The following PIERCE1 variants were observed in gnomAD, a reference collection of about 807,000 sequenced individuals.
The protein encoded by PIERCE1 is piercer of microtubule wall 1 protein.
At chr9:135,498,495 T>G in the PIERCE1 span, 17 of 1,064,264 alleles carry the variant, frequency 1.6e-5, no homozygotes, top group African/African-American at 3.1e-5. The surrounding 1 kb of genome is among the most constrained non-coding windows in gnomAD (Gnocchi z 4.1). Flanking sequence ...CCCCGTCTCA[T>G]TGTTGACCTG....
chr9:135,495,258 G>T, the PIERCE1 span: 1 of 617,672 alleles, frequency 1.6e-6, no homozygotes. Context: ...TGAAATGGCA[G>T]GACTTCACGG....
the PIERCE1 span, chr9:135,495,626 T>G: frequency 6.2e-7 from 1 of 1,601,538 alleles, no homozygotes; most frequent in South Asian, 1.1e-5. Flanking sequence ...CTATAAGAGA[T>G]AAAGGAACAC....
the PIERCE1 span, chr9:135,495,497 C>A: frequency 6.2e-7 from 1 of 1,614,062 alleles, no homozygotes; most frequent in Middle Eastern, 1.6e-4. Flanking sequence ...GGAGGTGATG[C>A]AGTTATCGGG....
At chr9:135,496,915 G>A in the PIERCE1 span, among the ~76,000 whole-genome samples, 1 of 150,830 alleles carries the variant, frequency 6.6e-6, no homozygotes, top group Non-Finnish European at 1.5e-5. Context: ...TCCTGCCTCA[G>A]CCTCCCAAGC....
the PIERCE1 span, among the ~76,000 whole-genome samples, chr9:135,497,202 C>T: frequency 6.6e-6 from 1 of 152,162 alleles, no homozygotes; most frequent in Non-Finnish European, 1.5e-5. Context: ...AAAGAGACTC[C>T]AGACGGAGCA....
At chr9:135,498,470 C>A in the PIERCE1 span, 4 of 845,780 alleles carry the variant, frequency 4.7e-6, no homozygotes, top group Non-Finnish European at 1.9e-6. This position sits in a 1 kb window ranked among gnomAD's most constrained non-coding sequence, Gnocchi z 4.1. Flanking sequence ...TGGCCTCCTC[C>A]CTGGGTGCAC....
the PIERCE1 span, chr9:135,498,886 C>T: frequency 1.8e-6 from 1 of 556,696 alleles, no homozygotes; most frequent in East Asian, 3.1e-5. The surrounding 1 kb of genome is among the most constrained non-coding windows in gnomAD (Gnocchi z 4.1). Context: ...ACTGTCCCTG[C>T]TCTTCCAAGG....
chr9:135,495,596 G>A, the PIERCE1 span: 563 of 1,613,458 alleles, frequency 3.5e-4, 4 homozygotes, highest in African/African-American at 6.4e-3. Context: ...AAATTTATTC[G>A]AATTTGGATA....
the PIERCE1 span, among the ~76,000 whole-genome samples, chr9:135,496,167 A>G: frequency 6.6e-5 from 10 of 152,088 alleles, no homozygotes; most frequent in African/African-American, 2.4e-4. Context: ...ATACAAAAAT[A>G]TTAGCCAGGT....
chr9:135,496,841 A>G, the PIERCE1 span, among the ~76,000 whole-genome samples: 1 of 122,656 alleles, frequency 8.2e-6, no homozygotes, highest in African/African-American at 3.3e-5. Flanking sequence ...CTAGTCACCC[A>G]CGCCGGCGTG....
At chr9:135,498,293 C>T in the PIERCE1 span, among the ~76,000 whole-genome samples, 1 of 152,148 alleles carries the variant, frequency 6.6e-6, no homozygotes, top group Non-Finnish European at 1.5e-5. The surrounding 1 kb of genome is among the most constrained non-coding windows in gnomAD (Gnocchi z 4.1). Context: ...TGTGAGACTG[C>T]TGTGCGTGTG....
At chr9:135,497,168 T>C in the PIERCE1 span, among the ~76,000 whole-genome samples, 1 of 152,118 alleles carries the variant, frequency 6.6e-6, no homozygotes, top group African/African-American at 2.4e-5. Flanking sequence ...TTCTCCGGCA[T>C]CCACCCTTGG....
the PIERCE1 span, chr9:135,498,768 A>G: frequency 9.6e-7 from 1 of 1,039,650 alleles, no homozygotes; most frequent in Admixed American, 1.8e-5. The surrounding 1 kb of genome is among the most constrained non-coding windows in gnomAD (Gnocchi z 4.1). Flanking sequence ...CCCCCATGGA[A>G]AGAGCAATAT....
At chr9:135,499,699 G>A in the PIERCE1 span, 25 of 1,607,754 alleles carry the variant, frequency 1.6e-5, no homozygotes, top group African/African-American at 2.9e-4. Flanking sequence ...GCGGGCCCCA[G>A]CTTCCTCACC....
chr9:135,499,601 G>T, the PIERCE1 span: 4 of 1,427,410 alleles, frequency 2.8e-6, no homozygotes, highest in Non-Finnish European at 3.9e-6. Flanking sequence ...ATGACCACTC[G>T]ATCTTCTTGA....
the PIERCE1 span, among the ~76,000 whole-genome samples, chr9:135,496,843 G>A: frequency 2.3e-5 from 3 of 129,296 alleles, no homozygotes; most frequent in Non-Finnish European, 3.1e-5. Flanking sequence ...AGTCACCCAC[G>A]CCGGCGTGCA....
At chr9:135,495,369 T>A in the PIERCE1 span, 57 of 1,474,266 alleles carry the variant, frequency 3.9e-5, no homozygotes, top group Admixed American at 6.1e-4. Flanking sequence ...TGATGAGGGA[T>A]GATGATTTTC....
chr9:135,496,813 T>TG, the PIERCE1 span, among the ~76,000 whole-genome samples: 173 of 150,534 alleles, frequency 1.1e-3, 1 homozygote, highest in African/African-American at 4.0e-3. Flanking sequence ...TTTTTTTTTT[T>TG]GAGATGGAGT....
At chr9:135,498,817 G>T in the PIERCE1 span, 2 of 681,136 alleles carry the variant, frequency 2.9e-6, no homozygotes, top group East Asian at 5.5e-5. The surrounding 1 kb of genome is among the most constrained non-coding windows in gnomAD (Gnocchi z 4.1). Flanking sequence ...CAGCCTCTGG[G>T]AGTACCTGGC....
Sources: gnomAD v4.1 joint callset for allele counts (sites outside exome capture counted in the v4.1 genomes callset) on GRCh38, gnomAD v4.1.1 for gene constraint, Gnocchi (gnomAD v3.1) non-coding constraint, MANE v1.5 for transcripts, NCBI Gene and HGNC (gene_info 2026-07-23, HGNC 2026-07-21) for gene names.